GRM8: variants seen among roughly 807,000 people sequenced by gnomAD.
GRM8 encodes the protein metabotropic glutamate receptor 8.
A neutral mutation model predicts 87.2 loss-of-function variants in GRM8; 47 were observed. The observed-to-expected ratio is 0.54, with a 90% CI of 0.43 to 0.69. GRM8 has a LOEUF of 0.69. Ranked by LOEUF, GRM8 falls within the 30% of genes least tolerant of loss-of-function variation. GRM8 has a pLI of 0.00. For synonymous variants in GRM8, 396 were observed against 404.5 expected (o/e 0.98, Z 0.25); for missense variants, 1,019 against 1,139.2 (o/e 0.89, Z 1.52).
intron 8 of GRM8, among the ~76,000 whole-genome samples, chr7:126,546,484 T>TTAAAA (rs1817176182): frequency 6.6e-6 from 1 of 152,050 alleles, no homozygotes; most frequent in African/African-American, 2.4e-5. Context: ...CATAAGGCAT[T>TTAAAA]TAAAATAATC....
intron 2 of GRM8, among the ~76,000 whole-genome samples, chr7:127,110,503 A>T (rs147239325): frequency 1.5e-4 from 23 of 152,212 alleles, no homozygotes; most frequent in African/African-American, 5.5e-4. Flanking sequence ...CTTTGTGCTG[A>T]GACTTCATAA....
intron 6 of GRM8, among the ~76,000 whole-genome samples, chr7:126,783,363 T>C (rs1352622675): frequency 6.6e-6 from 1 of 152,216 alleles, no homozygotes; most frequent in Non-Finnish European, 1.5e-5. Flanking sequence ...TAGCTCTCCA[T>C]AAATCTTTTT....
intron 3 of GRM8, among the ~76,000 whole-genome samples, chr7:127,053,616 C>T (rs2299527): frequency 0.26 from 38,890 of 151,828 alleles, 5,873 homozygotes; most frequent in Non-Finnish European, 0.36. Context: ...GGAGAAACCC[C>T]GTCTCTCCTA....
intron 3 of GRM8, among the ~76,000 whole-genome samples, chr7:126,925,455 A>C (rs1179134399): frequency 6.6e-6 from 1 of 152,208 alleles, no homozygotes; most frequent in East Asian, 1.9e-4. Flanking sequence ...TCTGAAACCA[A>C]AATAAAACTG....
intron 6 of GRM8, among the ~76,000 whole-genome samples, chr7:126,789,674 A>G (rs1483737826): frequency 6.6e-6 from 1 of 152,228 alleles, no homozygotes; most frequent in East Asian, 1.9e-4. Context: ...AGAAATACGA[A>G]AAATGCTCTC....
At chr7:127,122,602 A>C (rs112148085) in intron 2 of GRM8, among the ~76,000 whole-genome samples, 1 of 151,898 alleles carries the variant, frequency 6.6e-6, no homozygotes, top group Non-Finnish European at 1.5e-5. Context: ...ATTTTTTTTT[A>C]ATTCTAAGAA....
chr7:126,927,228 T>C (rs966818196), intron 3 of GRM8, among the ~76,000 whole-genome samples: 1 of 152,186 alleles, frequency 6.6e-6, no homozygotes, highest in African/African-American at 2.4e-5. Context: ...CTCAAACTCC[T>C]GGGCTCAACT....
chr7:127,043,432 G>T (rs1434051551), intron 3 of GRM8, among the ~76,000 whole-genome samples: 3 of 152,172 alleles, frequency 2.0e-5, no homozygotes, highest in Non-Finnish European at 4.4e-5. Context: ...ATACTATGCA[G>T]CCATAAAAAA....
At chr7:127,120,748 G>C (rs1587074936) in intron 2 of GRM8, among the ~76,000 whole-genome samples, 1 of 152,186 alleles carries the variant, frequency 6.6e-6, no homozygotes. Flanking sequence ...TTCACTTTAT[G>C]AAGAAGTTGA....
chr7:126,684,277 G>C (rs1807929545), intron 7 of GRM8, among the ~76,000 whole-genome samples: 1 of 152,112 alleles, frequency 6.6e-6, no homozygotes, highest in African/African-American at 2.4e-5. Context: ...GAATCCTCTT[G>C]GGTCCAAGGA....
intron 6 of GRM8, among the ~76,000 whole-genome samples, chr7:126,794,434 A>AT (rs151041576): frequency 0.018 from 2,814 of 152,234 alleles, 75 homozygotes; most frequent in African/African-American, 0.064. Context: ...TCACAGACCC[A>AT]TTTTCCAATT....
chr7:127,241,437 CTT>C (rs11291980), intron 2 of GRM8, among the ~76,000 whole-genome samples: 42 of 132,914 alleles, frequency 3.2e-4, no homozygotes, highest in African/African-American at 7.0e-4. Flanking sequence ...TTTTTTTTTT[CTT>C]TTTTTTTTTT....
chr7:127,149,961 A>T (rs552959606), intron 2 of GRM8, among the ~76,000 whole-genome samples: 4 of 152,192 alleles, frequency 2.6e-5, no homozygotes, highest in Admixed American at 6.5e-5. Flanking sequence ...GATCTAATGT[A>T]CAACATGAAG....
intron 8 of GRM8, among the ~76,000 whole-genome samples, chr7:126,572,090 G>A (rs1794737578): frequency 1.3e-5 from 2 of 152,116 alleles, no homozygotes; most frequent in Non-Finnish European, 2.9e-5. Context: ...GAGGACAGAA[G>A]ATAAAACGAA....
chr7:126,848,968 T>C (rs915492363), intron 6 of GRM8, among the ~76,000 whole-genome samples: 6 of 152,134 alleles, frequency 3.9e-5, no homozygotes, highest in Admixed American at 6.6e-5. Flanking sequence ...ACATCTTACA[T>C]AGATGGAAGC....
intron 7 of GRM8, among the ~76,000 whole-genome samples, chr7:126,750,489 A>G (rs1057425397): frequency 6.6e-6 from 1 of 152,082 alleles, no homozygotes; most frequent in Non-Finnish European, 1.5e-5. Context: ...TACCTCAATT[A>G]AGCCGACGAA....
intron 7 of GRM8, among the ~76,000 whole-genome samples, chr7:126,729,682 G>A (rs1029494290): frequency 3.9e-5 from 6 of 152,280 alleles, no homozygotes; most frequent in Middle Eastern, 3.4e-3. Flanking sequence ...AGTGACTTTT[G>A]TATGTGATTA....
intron 7 of GRM8, among the ~76,000 whole-genome samples, chr7:126,638,697 G>A (rs905374352): frequency 6.6e-6 from 1 of 152,098 alleles, no homozygotes; most frequent in Non-Finnish European, 1.5e-5. Context: ...GATAACATTC[G>A]CCTGTGATGT....
At chr7:127,200,265 C>T (rs1444802403) in intron 2 of GRM8, among the ~76,000 whole-genome samples, 1 of 152,134 alleles carries the variant, frequency 6.6e-6, no homozygotes, top group African/African-American at 2.4e-5. Context: ...GAGTTCATCC[C>T]AGCTTCTTTA....
Sources: gnomAD v4.1 joint callset for allele counts (sites outside exome capture counted in the v4.1 genomes callset) on GRCh38, gnomAD v4.1.1 for gene constraint, MANE v1.5 for transcripts, NCBI Gene and HGNC (gene_info 2026-07-23, HGNC 2026-07-21) for gene names.